Variants in JARID2 observed in about 807,000 individuals in gnomAD.
JARID2 encodes the protein jumonji and AT-rich interaction domain containing 2, also known as protein Jumonji.
In JARID2, 21 loss-of-function variants were observed where a neutral mutation model predicts 125.6. That is an observed-to-expected ratio of 0.17 (90% confidence interval 0.12 to 0.24). The LOEUF (loss-of-function observed/expected upper bound fraction) is 0.24, where lower values mean the gene tolerates loss of function less well. Among genes scored for constraint, JARID2 ranks in the 10% least tolerant of loss-of-function variants. JARID2 has a pLI of 1.00. For synonymous variants in JARID2, 736 were observed against 661.6 expected (o/e 1.11, Z -1.73); for missense variants, 1,303 against 1,639.6 (o/e 0.79, Z 3.55).
chr6:15,404,298 T>C (rs183515087), intron 2 of JARID2, among the ~76,000 whole-genome samples: 5 of 152,350 alleles, frequency 3.3e-5, no homozygotes, highest in Non-Finnish European at 7.3e-5. Flanking sequence ...CATGTTCATA[T>C]TGACCATGCC....
At chr6:15,466,178 GAGGA>G (rs1554140470) in intron 4 of JARID2, among the ~76,000 whole-genome samples, 1 of 152,208 alleles carries the variant, frequency 6.6e-6, no homozygotes, top group Non-Finnish European at 1.5e-5. Flanking sequence ...AGAGGGGAGA[GAGGA>G]AGGCTGGAGG....
intron 1 of JARID2, among the ~76,000 whole-genome samples, chr6:15,250,173 A>G (rs1759387450): frequency 6.6e-6 from 1 of 152,238 alleles, no homozygotes; most frequent in Non-Finnish European, 1.5e-5. Context: ...AGTTTTAAGT[A>G]TCTAATTTTC....
intron 1 of JARID2, among the ~76,000 whole-genome samples, chr6:15,329,481 A>G (rs1041231074): frequency 3.3e-5 from 5 of 152,224 alleles, no homozygotes; most frequent in African/African-American, 1.2e-4. Context: ...GGGCAAGCTC[A>G]CTGTAAATCT....
chr6:15,497,844 G>GGCCA (rs926099057), intron 7 of JARID2, among the ~76,000 whole-genome samples: 9 of 152,044 alleles, frequency 5.9e-5, no homozygotes, highest in Admixed American at 2.6e-4. Context: ...AAGGTCTAGG[G>GGCCA]GCCAGCAGGG....
chr6:15,365,643 G>A (rs1763949168), intron 1 of JARID2, among the ~76,000 whole-genome samples: 3 of 151,408 alleles, frequency 2.0e-5, no homozygotes, highest in Admixed American at 2.0e-4. Context: ...TAAATAGGCA[G>A]TAATCAAAGA....
chr6:15,280,000 TGAA>T (rs1760689134), intron 1 of JARID2, among the ~76,000 whole-genome samples: 1 of 152,192 alleles, frequency 6.6e-6, no homozygotes, highest in South Asian at 2.1e-4. Context: ...CTAGGGAAGT[TGAA>T]GGAATAGCAT....
At chr6:15,352,099 A>G (rs1372689487) in intron 1 of JARID2, among the ~76,000 whole-genome samples, 1 of 152,208 alleles carries the variant, frequency 6.6e-6, no homozygotes, top group East Asian at 1.9e-4. Context: ...TAAGGGAGGA[A>G]CACAGCTAGC....
intron 1 of JARID2, among the ~76,000 whole-genome samples, chr6:15,301,329 CAT>C (rs1206129496): frequency 6.6e-6 from 1 of 152,170 alleles, no homozygotes; most frequent in Admixed American, 6.5e-5. Flanking sequence ...CCATATTAAT[CAT>C]GTGGATTTCA....
chr6:15,431,355 C>T (rs548794429), intron 3 of JARID2, among the ~76,000 whole-genome samples: 58 of 152,224 alleles, frequency 3.8e-4, no homozygotes, highest in South Asian at 1.2e-3. Context: ...CCATCAGCTG[C>T]GATCCGTATG....
At chr6:15,249,931 C>G (rs542170226) in intron 1 of JARID2, among the ~76,000 whole-genome samples, 15 of 152,274 alleles carry the variant, frequency 9.9e-5, no homozygotes, top group African/African-American at 2.6e-4. Flanking sequence ...AAAACAGTTG[C>G]ATGTTTTGCT....
At chr6:15,501,453 G>A (rs531849875) in intron 8 of JARID2, 44 bp downstream of exon 8, 233 of 1,504,094 alleles carry the variant, frequency 1.5e-4, no homozygotes, top group Non-Finnish European at 1.8e-4. Flanking sequence ...GCAGGAGTGC[G>A]GGAGGAATGA....
chr6:15,253,490 G>T (rs1759534584), intron 1 of JARID2, among the ~76,000 whole-genome samples: 1 of 152,108 alleles, frequency 6.6e-6, no homozygotes, highest in East Asian at 1.9e-4. Flanking sequence ...CTTCTTGCAG[G>T]TGGCTTTTGT....
chr6:15,266,536 G>A (rs528704240), intron 1 of JARID2, among the ~76,000 whole-genome samples: 10 of 152,308 alleles, frequency 6.6e-5, no homozygotes, highest in South Asian at 2.1e-4. Context: ...GCCTAGCAGC[G>A]CTTGGTTGCA....
intron 3 of JARID2, among the ~76,000 whole-genome samples, chr6:15,424,620 G>A (rs979462733): frequency 2.6e-5 from 4 of 152,140 alleles, no homozygotes; most frequent in Non-Finnish European, 5.9e-5. Flanking sequence ...CACTTTGGGG[G>A]GCTGAGTTGG....
chr6:15,276,812 T>C (rs1022068321), intron 1 of JARID2, among the ~76,000 whole-genome samples: 1 of 152,166 alleles, frequency 6.6e-6, no homozygotes, highest in African/African-American at 2.4e-5. Context: ...CCACCTAGAA[T>C]TTCCAGTGAC....
chr6:15,296,682 A>G (rs1449030267), intron 1 of JARID2, among the ~76,000 whole-genome samples: 2 of 152,240 alleles, frequency 1.3e-5, no homozygotes, highest in African/African-American at 2.4e-5. Context: ...ATAGTTAACA[A>G]TGAGGACACT....
intron 11 of JARID2, among the ~76,000 whole-genome samples, chr6:15,508,048 C>T (rs997980030): frequency 7.9e-5 from 12 of 152,342 alleles, no homozygotes; most frequent in Non-Finnish European, 1.2e-4. Flanking sequence ...TTGGGGGCTT[C>T]GGCCCGTGGG....
At chr6:15,472,932 A>G (rs1769147255) in intron 5 of JARID2, among the ~76,000 whole-genome samples, 1 of 152,208 alleles carries the variant, frequency 6.6e-6, no homozygotes, top group Non-Finnish European at 1.5e-5. Context: ...CATTTTTTAG[A>G]TCTTAACCTG....
At chr6:15,511,433 A>T in intron 13 of JARID2, 32 bp downstream of exon 13, 2 of 1,426,266 alleles carry the variant, frequency 1.4e-6, no homozygotes, top group Non-Finnish European at 2.0e-6. Flanking sequence ...CTCCAGCAGG[A>T]GCTGTAGGAC....
Sources: allele counts gnomAD v4.1 joint callset (sites outside exome capture counted in the v4.1 genomes callset), GRCh38; gene constraint gnomAD v4.1.1; transcripts MANE v1.5; gene names NCBI Gene and HGNC (gene_info 2026-07-23, HGNC 2026-07-21).